The following LEMD1 variants were observed in gnomAD, a reference collection of about 807,000 sequenced individuals.
LEMD1 encodes LEM domain containing 1, also known as LEM domain-containing protein 1.
A neutral mutation model predicts 17.4 loss-of-function variants in LEMD1; 18 were observed. That is an observed-to-expected ratio of 1.04 (90% CI 0.72 to 1.54). The LOEUF (loss-of-function observed/expected upper bound fraction) is 1.54. LEMD1 is among the 40% of genes most tolerant of loss of function. The pLI is 0.00. For missense variants in LEMD1, 195 were observed against 210.4 expected (o/e 0.93, Z 0.45); for synonymous variants, 88 against 77.8 (o/e 1.13, Z -0.69).
At chr1:205,391,004 A>G (rs932447906) in intron 4 of LEMD1, among the ~76,000 whole-genome samples, 1 of 144,290 alleles carries the variant, frequency 6.9e-6, no homozygotes, top group Admixed American at 6.9e-5. Context: ...AATTCTCAGC[A>G]CCGCACAATA....
chr1:205,412,000 C>A (rs10900488), intron 4 of LEMD1, among the ~76,000 whole-genome samples: 58,317 of 152,014 alleles, frequency 0.38, 13,148 homozygotes, highest in East Asian at 0.64. Flanking sequence ...AACCTTGGAA[C>A]CGCTCCCAAA....
chr1:205,428,712 A>T (rs1007225923), intron 1 of LEMD1, among the ~76,000 whole-genome samples: 4 of 152,138 alleles, frequency 2.6e-5, no homozygotes, highest in Non-Finnish European at 5.9e-5. Flanking sequence ...AAAGCATGAG[A>T]GAGAGGGTGG....
intron 4 of LEMD1, among the ~76,000 whole-genome samples, chr1:205,388,850 AT>A (rs1238893147): frequency 6.6e-6 from 1 of 152,080 alleles, no homozygotes; most frequent in Non-Finnish European, 1.5e-5. Flanking sequence ...CAGGTGGACT[AT>A]TTTGTGCTAA....
chr1:205,411,147 AAAAG>A (rs1374438980), intron 4 of LEMD1, among the ~76,000 whole-genome samples: 28 of 147,828 alleles, frequency 1.9e-4, no homozygotes, highest in African/African-American at 7.0e-4. Context: ...GAAGGAAGGA[AAAAG>A]AAAGAAGAAA....
intron 1 of LEMD1, among the ~76,000 whole-genome samples, chr1:205,428,651 G>A (rs1666088452): frequency 1.3e-5 from 2 of 152,300 alleles, no homozygotes; most frequent in African/African-American, 4.8e-5. Context: ...GATAGTCAGG[G>A]AGGACCATGT....
rs1282899111 is a variant in LEMD1 at position 205,381,472 on chromosome 1, G to A, written c.*186C>T. 5 of 619,594 alleles carry A rather than the reference G, an allele frequency of 8.1e-6. No individual in the cohort carries two copies. The highest frequency in any genetic ancestry group is 5.5e-5 in the African/African-American group (3 of 54,286). The allele number at this position is 619,594 out of a possible 1,614,324, so 38.4% of individuals were successfully genotyped here. On this transcript the variant is annotated 3_prime_UTR_variant, in exon 6 of 6. Coordinates refer to ENST00000367153, the MANE Select transcript of LEMD1 (RefSeq NM_001199050.2). ...CCTAACCATCATGCTCTTAACACAGGTGCCTGGTTAGGCAGGTTCCTTCCA... is the reference window on the plus strand; with the variant it reads ...CCTAACCATCATGCTCTTAACACAGATGCCTGGTTAGGCAGGTTCCTTCCA...
chr1:205,393,586 G>A (rs1295163043), intron 4 of LEMD1, among the ~76,000 whole-genome samples: 1 of 151,852 alleles, frequency 6.6e-6, no homozygotes, highest in Non-Finnish European at 1.5e-5. Flanking sequence ...TGAGGCAGGA[G>A]AATCCCTTGA....
chr1:205,389,764 C>T (rs752864474), intron 4 of LEMD1, among the ~76,000 whole-genome samples: 10 of 152,198 alleles, frequency 6.6e-5, no homozygotes, highest in Admixed American at 2.6e-4. Context: ...GACCTGATTA[C>T]AGGCAGAAAA....
intron 4 of LEMD1, among the ~76,000 whole-genome samples, chr1:205,392,121 A>C (rs890475687): frequency 6.6e-5 from 10 of 152,038 alleles, no homozygotes; most frequent in African/African-American, 2.4e-4. Flanking sequence ...AAGAAAAACA[A>C]AAAACAAAAA....
chr1:205,414,852 C>A (rs1179806529), intron 4 of LEMD1, among the ~76,000 whole-genome samples: 1 of 152,100 alleles, frequency 6.6e-6, no homozygotes, highest in Non-Finnish European at 1.5e-5. Flanking sequence ...GGTGCCACTG[C>A]ACTCCAGCCT....
intron 4 of LEMD1, among the ~76,000 whole-genome samples, chr1:205,390,777 ATG>A (rs1324566332): frequency 2.6e-5 from 4 of 152,240 alleles, no homozygotes; most frequent in African/African-American, 9.6e-5. Flanking sequence ...CTAACAAAAG[ATG>A]AGCATATCCT....
chr1:205,381,585 C>T lies in LEMD1; in HGVS notation c.*73G>A. ...GGGAGGGCTGCAGGCTAGGCTGGCC[C>T]TTCAGGGTAGTGTTTTGGTTCTTTC... On this transcript the variant is annotated 3_prime_UTR_variant, in exon 6 of 6. Transcript: ENST00000367153. 6.9e-7 allele frequency: 1 copy of T among 1,456,792 alleles called. No individual in the cohort carries two copies. The highest frequency in any genetic ancestry group is 9.6e-7 in the Non-Finnish European group (1 of 1,038,014). The allele number at this position is 1,456,792 out of a possible 1,614,324, so 90.2% of individuals were successfully genotyped here. A position where few individuals can be genotyped will look rare whatever the true frequency, so the allele number is the denominator to read the frequency against.
intron 3 of LEMD1, among the ~76,000 whole-genome samples, chr1:205,417,708 T>C (rs1176621867): frequency 6.6e-6 from 1 of 151,988 alleles, no homozygotes; most frequent in African/African-American, 2.4e-5. Context: ...AAGCTTTCAG[T>C]ATCTGTGCCG....
At chr1:205,445,120 G>A (rs1666362024) in intron 1 of LEMD1, among the ~76,000 whole-genome samples, 1 of 152,152 alleles carries the variant, frequency 6.6e-6, no homozygotes, top group Non-Finnish European at 1.5e-5. Context: ...TCGGGCGGTG[G>A]AGCAGACACA....
upstream of LEMD1, among the ~76,000 whole-genome samples, chr1:205,424,721 A>G (rs1246007075): frequency 1.3e-5 from 2 of 152,216 alleles, no homozygotes; most frequent in Admixed American, 6.5e-5. Context: ...TCTAGGGTGT[A>G]GTGAGCAAGA....
chr1:205,408,347 A>C (rs1053120496), intron 4 of LEMD1, among the ~76,000 whole-genome samples: 9 of 152,184 alleles, frequency 5.9e-5, no homozygotes, highest in East Asian at 3.9e-4. Context: ...ACACACACAC[A>C]CACTCCTCAA....
At chr1:205,395,609 GA>G (rs1441953780) in intron 4 of LEMD1, among the ~76,000 whole-genome samples, 7 of 136,002 alleles carry the variant, frequency 5.1e-5, no homozygotes, top group Non-Finnish European at 9.6e-5. Context: ...AAAAAAAAAA[GA>G]AAAAAAAGAG....
intron 1 of LEMD1, among the ~76,000 whole-genome samples, chr1:205,428,659 T>G (rs4951221): frequency 6.6e-6 from 1 of 152,024 alleles, no homozygotes; most frequent in African/African-American, 2.4e-5. Flanking sequence ...GGGAGGACCA[T>G]GTGTGTGTTC....
chr1:205,386,769 C>T (rs1462870287), intron 4 of LEMD1: 1 of 152,180 alleles, frequency 6.6e-6, no homozygotes, highest in South Asian at 2.1e-4. Context: ...CATACCCTTC[C>T]AGGAACAGGG....
Sources: gnomAD v4.1 joint callset for allele counts (sites outside exome capture counted in the v4.1 genomes callset) on GRCh38, gnomAD v4.1.1 for gene constraint, MANE v1.5 for transcripts, NCBI Gene and HGNC (gene_info 2026-07-23, HGNC 2026-07-21) for gene names.